Variants in CDH13 observed in about 807,000 individuals in gnomAD.
CDH13 encodes cadherin 13, also known as cadherin-13.
CDH13 carries 24 observed loss-of-function variants against 63.8 expected under a neutral mutation model. That is an observed-to-expected ratio of 0.38 (90% CI 0.27 to 0.53). CDH13 has a LOEUF of 0.53. Ranked by LOEUF, CDH13 falls within the 20% of genes least tolerant of loss-of-function variation. The pLI is 0.85. For synonymous variants in CDH13, 503 were observed against 355.3 expected, an observed-to-expected ratio of 1.42 and a Z score of -4.67; for missense variants, 1,049 against 903.1, an observed-to-expected ratio of 1.16 and a Z score of -2.07.
At chr16:83,327,178 A>G (rs79131725) in intron 5 of CDH13, among the ~76,000 whole-genome samples, 5 of 152,282 alleles carry the variant, frequency 3.3e-5, no homozygotes, top group African/African-American at 1.2e-4. Context: ...CTTCATTTAC[A>G]TATGCTTATT....
intron 6 of CDH13, among the ~76,000 whole-genome samples, chr16:83,483,297 C>T (rs1027054121): frequency 6.6e-5 from 10 of 152,058 alleles, no homozygotes; most frequent in South Asian, 2.1e-4. Context: ...GGCTTAAGAC[C>T]GAGTTCACCT....
chr16:83,302,777 C>A (rs1005557172), intron 5 of CDH13, among the ~76,000 whole-genome samples: 3 of 152,136 alleles, frequency 2.0e-5, no homozygotes, highest in South Asian at 2.1e-4. Flanking sequence ...CAAGCCCAGC[C>A]ACAATAAGAG....
chr16:82,667,474 A>G (rs943964465), intron 1 of CDH13, among the ~76,000 whole-genome samples: 2 of 152,308 alleles, frequency 1.3e-5, no homozygotes, highest in South Asian at 4.1e-4. Context: ...GCTATTGGCC[A>G]TATGTTGGCT....
intron 4 of CDH13, among the ~76,000 whole-genome samples, chr16:83,127,128 T>C (rs2035845610): frequency 6.6e-6 from 1 of 151,996 alleles, no homozygotes; most frequent in African/African-American, 2.4e-5. Flanking sequence ...GGCCTGAAGA[T>C]GGGAAAGAAT....
chr16:83,558,035 T>C (rs568075681), intron 7 of CDH13, among the ~76,000 whole-genome samples: 1 of 152,268 alleles, frequency 6.6e-6, no homozygotes, highest in East Asian at 1.9e-4. Flanking sequence ...ATTGTACAGC[T>C]TTATATAAAA....
intron 3 of CDH13, among the ~76,000 whole-genome samples, chr16:83,089,244 G>A (rs998126893): frequency 1.3e-5 from 2 of 152,158 alleles, no homozygotes; most frequent in African/African-American, 2.4e-5. Context: ...GCCCACTAAC[G>A]TCACATCTCT....
chr16:83,253,365 C>G (rs1049216572), intron 5 of CDH13, among the ~76,000 whole-genome samples: 1 of 152,186 alleles, frequency 6.6e-6, no homozygotes, highest in African/African-American at 2.4e-5. Flanking sequence ...GAGTGTGGCT[C>G]TAGAAAGCCG....
chr16:83,017,711 A>G (rs1914941446), intron 2 of CDH13, among the ~76,000 whole-genome samples: 3 of 152,196 alleles, frequency 2.0e-5, no homozygotes, highest in South Asian at 4.1e-4. Flanking sequence ...TACTATTAGC[A>G]CTATTAGGGT....
intron 6 of CDH13, among the ~76,000 whole-genome samples, chr16:83,445,228 C>T (rs1349894975): frequency 1.2e-4 from 10 of 86,044 alleles, no homozygotes; most frequent in Non-Finnish European, 1.9e-4. Context: ...ACTGAGGCTG[C>T]GAGAGTTTAT....
intron 5 of CDH13, among the ~76,000 whole-genome samples, chr16:83,324,238 T>C (rs986603624): frequency 2.6e-5 from 4 of 152,176 alleles, no homozygotes; most frequent in Admixed American, 2.6e-4. Context: ...GGTTTCACCA[T>C]CATGGTCAGG....
chr16:83,574,628 G>C (rs1904940622), intron 7 of CDH13, among the ~76,000 whole-genome samples: 1 of 152,154 alleles, frequency 6.6e-6, no homozygotes, highest in Non-Finnish European at 1.5e-5. Flanking sequence ...TCACAGGGAT[G>C]GCATTCCGTG....
intron 11 of CDH13, among the ~76,000 whole-genome samples, chr16:83,748,912 C>T (rs735675): frequency 0.11 from 16,848 of 152,150 alleles, 1,778 homozygotes; most frequent in African/African-American, 0.28. Flanking sequence ...GGCACAAGGG[C>T]AGAAGGAGGG....
chr16:83,530,283 C>G (rs2075055126), intron 7 of CDH13, among the ~76,000 whole-genome samples: 1 of 152,214 alleles, frequency 6.6e-6, no homozygotes, highest in African/African-American at 2.4e-5. Context: ...TAAAGTCAGT[C>G]TCTGTAGGTC....
At chr16:83,199,064 T>C (rs1294558045) in intron 4 of CDH13, among the ~76,000 whole-genome samples, 1 of 152,152 alleles carries the variant, frequency 6.6e-6, no homozygotes, top group African/African-American at 2.4e-5. Context: ...AGGAGGGGTG[T>C]TATGGCAGCT....
chr16:82,982,621 C>G (rs1262133780), intron 2 of CDH13, among the ~76,000 whole-genome samples: 1 of 152,158 alleles, frequency 6.6e-6, no homozygotes, highest in African/African-American at 2.4e-5. Context: ...GAAATGCATT[C>G]TTATCCCCCC....
chr16:82,802,258 G>A (rs561962208), intron 1 of CDH13, among the ~76,000 whole-genome samples: 2 of 151,922 alleles, frequency 1.3e-5, no homozygotes, highest in East Asian at 1.9e-4. Flanking sequence ...CGTGGAGATC[G>A]TGAGAATAGT....
At chr16:83,436,595 C>A (rs34486975) in intron 6 of CDH13, among the ~76,000 whole-genome samples, 21,712 of 152,236 alleles carry the variant, frequency 0.14, 2,031 homozygotes, top group Non-Finnish European at 0.21. Flanking sequence ...AATCTGTTAG[C>A]CTTCCCTGAA....
intron 3 of CDH13, among the ~76,000 whole-genome samples, chr16:83,041,739 T>G (rs917023089): frequency 2.0e-5 from 3 of 152,186 alleles, no homozygotes; most frequent in Admixed American, 1.3e-4. Context: ...TCACACATTT[T>G]TCAGCCACAT....
intron 3 of CDH13, among the ~76,000 whole-genome samples, chr16:83,117,856 G>A (rs2035383631): frequency 6.6e-6 from 1 of 151,858 alleles, no homozygotes; most frequent in Non-Finnish European, 1.5e-5. Flanking sequence ...TGGGGCGAGT[G>A]TTGTGGTGCT....
Sources: gnomAD v4.1 joint callset for allele counts (sites outside exome capture counted in the v4.1 genomes callset) on GRCh38, gnomAD v4.1.1 for gene constraint, MANE v1.5 for transcripts, NCBI Gene and HGNC (gene_info 2026-07-23, HGNC 2026-07-21) for gene names.